ITPR1: variants seen among roughly 807,000 people sequenced by gnomAD.
ITPR1 encodes inositol 1,4,5-trisphosphate receptor type 1, also known as inositol 1,4,5-trisphosphate-gated calcium channel ITPR1.
ITPR1 carries 96 observed loss-of-function variants against 318.4 expected under a neutral mutation model. The ratio of observed to expected loss-of-function variants is 0.30; its 90% CI spans 0.26 to 0.36. ITPR1 has a LOEUF of 0.36. ITPR1 is among the 10% of genes least tolerant of loss of function. The pLI is 1.00. For synonymous variants in ITPR1, 1,312 were observed against 1,289.9 expected (o/e 1.02, Z -0.37); for missense variants, 2,440 against 3,460.2 (o/e 0.71, Z 7.40).
At chr3:4,700,683 C>A (rs943820066) in intron 35 of ITPR1, among the ~76,000 whole-genome samples, 3 of 152,112 alleles carry the variant, frequency 2.0e-5, no homozygotes, top group Non-Finnish European at 4.4e-5. Flanking sequence ...TTTTGCTCTT[C>A]CAGGAGGTTG....
intron 23 of ITPR1, among the ~76,000 whole-genome samples, chr3:4,675,785 T>C (rs1414518002): frequency 6.6e-6 from 1 of 152,270 alleles, no homozygotes; most frequent in East Asian, 1.9e-4. Flanking sequence ...TGGTATCATG[T>C]ATCAATTATT....
At chr3:4,528,809 G>A (rs933147625) in intron 4 of ITPR1, among the ~76,000 whole-genome samples, 1 of 152,046 alleles carries the variant, frequency 6.6e-6, no homozygotes. Context: ...AACTTGTTCT[G>A]TATTCACAAA....
In ITPR1 at chr3:4,846,656, C is replaced by T. The variant is rs985912434; in HGVS notation, c.*431C>T. On this transcript the variant is annotated 3_prime_UTR_variant, in exon 62 of 62. Coordinates refer to ENST00000649015, the MANE Select transcript of ITPR1 (RefSeq NM_001378452.1). ...CTAAAGGGAGTGCACTTCTTTGAAG[C>T]TGGTGTGTTAATACTATGTAATAAA... 4 of 153,570 alleles carry T rather than the reference C, an allele frequency of 2.6e-5. No individual in the cohort carries two copies. Among genetic ancestry groups the T allele is most frequent in the African/African-American group, 9.7e-5 (4 of 41,446 alleles). 9.5% of individuals were successfully genotyped at this position (153,570 alleles called of 1,614,324 possible).
chr3:4,814,565 A>G lies in ITPR1; in HGVS notation c.7701+3A>G, dbSNP rs533303665. On this transcript the variant is annotated splice_donor_region_variant and intron_variant, in intron 58 of 61. Coordinates refer to ENST00000649015, the MANE Select transcript of ITPR1 (RefSeq NM_001378452.1). ...TACTCAGGAAGCCGTCCAAAGAGGTAAATTAATCCCGAGGGGAAGGAAGGG... is the reference window on the plus strand; with the variant it reads ...TACTCAGGAAGCCGTCCAAAGAGGTGAATTAATCCCGAGGGGAAGGAAGGG... 616 of 1,599,166 alleles carry G rather than the reference A, an allele frequency of 3.9e-4. 8 individuals are homozygous for G. The South Asian group carries it at 6.4e-3, about 17-fold the overall frequency.
chr3:4,807,444 T>C (rs536986327), intron 55 of ITPR1, among the ~76,000 whole-genome samples: 1 of 152,290 alleles, frequency 6.6e-6, no homozygotes, highest in Admixed American at 6.5e-5. Flanking sequence ...CACAGTTTCC[T>C]CATCTACAAA....
Position 4,566,604 on chromosome 3 carries a change from G to GCACACACACACACACACACACACA in ITPR1, c.163+45526_163+45549dup, listed in dbSNP as rs57756103. On this transcript the variant is annotated intron_variant, in intron 4 of 61. Transcript: ENST00000649015. ...CCAGGAAGCCTGAATGGGGACACAT[G>GCACACACACACACACACACACACA]CACACACACACACACACACACACAC... 6.5e-4 allele frequency among the ~76,000 whole-genome samples: 91 copies of GCACACACACACACACACACACACA among 140,988 alleles called. 1 individual carries two copies. The highest frequency in any genetic ancestry group is 2.3e-3 in the African/African-American group (87 of 37,102). The allele number at this position is 140,988 out of a possible 152,430, so 92.5% of individuals were successfully genotyped here.
intron 4 of ITPR1, among the ~76,000 whole-genome samples, chr3:4,619,126 C>G (rs2092497843): frequency 6.6e-6 from 1 of 152,132 alleles, no homozygotes; most frequent in Non-Finnish European, 1.5e-5. Context: ...TGTGAGATGT[C>G]TGATGTTATT....
At chr3:4,613,426 C>A (rs1406451680) in intron 4 of ITPR1, among the ~76,000 whole-genome samples, 1 of 152,108 alleles carries the variant, frequency 6.6e-6, no homozygotes, top group Non-Finnish European at 1.5e-5. Flanking sequence ...ATTTGGGGGT[C>A]CCAAGATTTA....
At chr3:4,559,927 C>T (rs1009357794) in intron 4 of ITPR1, among the ~76,000 whole-genome samples, 1 of 152,150 alleles carries the variant, frequency 6.6e-6, no homozygotes, top group Non-Finnish European at 1.5e-5. Context: ...TAAGAGGCGG[C>T]GTTATGTACT....
chr3:4,768,382 T>G, intron 45 of ITPR1, 129 bp from the exon 46 acceptor site: 1 of 1,082,340 alleles, frequency 9.2e-7, no homozygotes, highest in Non-Finnish European at 1.3e-6. Flanking sequence ...GTGACTTCTT[T>G]GAGTGTTTTG....
intron 4 of ITPR1, among the ~76,000 whole-genome samples, chr3:4,627,492 C>CA (rs1021877170): frequency 7.1e-4 from 108 of 151,688 alleles, no homozygotes; most frequent in East Asian, 4.7e-3. Context: ...GCAAAACAAA[C>CA]AAAAAAAACA....
intron 53 of ITPR1, 49 bp from the exon 54 acceptor site, chr3:4,800,376 A>T (rs752230896): frequency 6.3e-7 from 1 of 1,585,156 alleles, no homozygotes; most frequent in Admixed American, 1.8e-5. Flanking sequence ...TGTCCCCTGT[A>T]CTCAGTGAAG....
intron 44 of ITPR1, among the ~76,000 whole-genome samples, chr3:4,765,106 T>C (rs2045730997): frequency 6.6e-6 from 1 of 151,922 alleles, no homozygotes; most frequent in South Asian, 2.1e-4. Context: ...TAAAAGGCAA[T>C]GAAGGACACT....
intron 21 of ITPR1, among the ~76,000 whole-genome samples, chr3:4,673,974 G>C (rs2094138607): frequency 6.6e-6 from 1 of 152,096 alleles, no homozygotes; most frequent in Non-Finnish European, 1.5e-5. Context: ...ATATATCAGT[G>C]AACAAACTAG....
chr3:4,819,903 G>C (rs1027800880), intron 60 of ITPR1, among the ~76,000 whole-genome samples: 2 of 152,208 alleles, frequency 1.3e-5, no homozygotes, highest in African/African-American at 2.4e-5. Context: ...AGCCAGGCTG[G>C]GGGTTAAGTG....
At chr3:4,702,134 C>CTG (rs56040924) in intron 35 of ITPR1, among the ~76,000 whole-genome samples, 43,045 of 151,988 alleles carry the variant, frequency 0.28, 6,985 homozygotes, top group Non-Finnish European at 0.38. Flanking sequence ...CTCAGAAAGT[C>CTG]AGTGTCAAAT....
In ITPR1 at chr3:4,621,698, C is replaced by G. The variant is rs148015122; in HGVS notation, c.164-6065C>G. On this transcript the variant is annotated intron_variant, in intron 4 of 61. Transcript: ENST00000649015. ...TGCAGCTTCTGCTTCCCTCTCAAGC[C>G]TTATCTTCTGCAGCTCTAGCCTTTG... 5.5e-4 allele frequency among the ~76,000 whole-genome samples: 84 copies of G among 152,356 alleles called. 1 individual carries two copies. Among genetic ancestry groups the G allele is most frequent in the African/African-American group, 2.0e-3 (83 of 41,582 alleles).
intron 4 of ITPR1, among the ~76,000 whole-genome samples, chr3:4,599,598 G>A (rs943003316): frequency 6.6e-6 from 1 of 152,154 alleles, no homozygotes; most frequent in Non-Finnish European, 1.5e-5. Flanking sequence ...GTAGGCAGTT[G>A]GGTTTGTGAT....
chr3:4,812,265 T>C (rs762270161), intron 56 of ITPR1, among the ~76,000 whole-genome samples: 4 of 152,148 alleles, frequency 2.6e-5, no homozygotes, highest in Non-Finnish European at 5.9e-5. Flanking sequence ...CTCGAACTCC[T>C]GGGCTCAGGC....
Sources: allele counts gnomAD v4.1 joint callset (sites outside exome capture counted in the v4.1 genomes callset), GRCh38; gene constraint gnomAD v4.1.1; transcripts MANE v1.5; gene names NCBI Gene and HGNC (gene_info 2026-07-23, HGNC 2026-07-21).